The following OPHN1 variants were observed in gnomAD, a reference collection of about 807,000 sequenced individuals.
OPHN1 encodes the protein oligophrenin-1.
OPHN1 carries 11 observed loss-of-function variants against 60.7 expected under a neutral mutation model. The observed-to-expected ratio is 0.18, with a 90% CI of 0.11 to 0.30. The LOEUF (loss-of-function observed/expected upper bound fraction) is 0.30. OPHN1 is among the 10% of genes least tolerant of loss of function. OPHN1 has a pLI of 1.00. For synonymous variants in OPHN1, 226 were observed against 222.6 expected (o/e 1.02, Z -0.14); for missense variants, 449 against 611.0 (o/e 0.73, Z 2.80).
intron 5 of OPHN1, among the ~76,000 whole-genome samples, chrX:68,274,289 G>A (rs963529302): frequency 2.7e-5 from 3 of 112,249 alleles, no homozygotes; most frequent in African/African-American, 9.7e-5. Flanking sequence ...AGCACACAAA[G>A]TCCTTGTGAT....
intron 4 of OPHN1, among the ~76,000 whole-genome samples, chrX:68,278,388 G>A (rs969168510): frequency 2.7e-5 from 3 of 112,071 alleles, no homozygotes; most frequent in Non-Finnish European, 5.6e-5. Context: ...TGAGCTCACT[G>A]GGGACAAAAA....
At chrX:68,360,286 C>T (rs900621982) in intron 2 of OPHN1, among the ~76,000 whole-genome samples, 15 of 110,627 alleles carry the variant, frequency 1.4e-4, no homozygotes, top group Non-Finnish European at 2.8e-4. Flanking sequence ...TCAAGTGATC[C>T]TCCCACCTCA....
intron 15 of OPHN1, among the ~76,000 whole-genome samples, chrX:68,181,682 G>T (rs1462850887): frequency 9.0e-6 from 1 of 111,068 alleles, no homozygotes; most frequent in Non-Finnish European, 1.9e-5. Flanking sequence ...AAAAAAATTA[G>T]CCGGGCATGG....
intron 18 of OPHN1, among the ~76,000 whole-genome samples, chrX:68,105,283 T>C (rs1464888795): frequency 9.1e-6 from 1 of 110,420 alleles, no homozygotes; most frequent in African/African-American, 3.3e-5. Context: ...GAAATACCAT[T>C]TGACCTGGTA....
intron 2 of OPHN1, among the ~76,000 whole-genome samples, chrX:68,373,037 G>A (rs2078537571): frequency 8.9e-6 from 1 of 112,023 alleles, no homozygotes; most frequent in Non-Finnish European, 1.9e-5. Context: ...AGTAGCTGTG[G>A]TATCCAGCTT....
intron 5 of OPHN1, among the ~76,000 whole-genome samples, chrX:68,247,388 AG>A (rs961466548): frequency 8.9e-6 from 1 of 111,763 alleles, no homozygotes; most frequent in Non-Finnish European, 1.9e-5. Context: ...TCCATCACAT[AG>A]ATTTCTTATC....
At chrX:68,231,087 G>A (rs1161008082) in intron 6 of OPHN1, among the ~76,000 whole-genome samples, 1 of 111,209 alleles carries the variant, frequency 9.0e-6, no homozygotes, top group East Asian at 2.8e-4. Context: ...AAAAAAATGA[G>A]ATCCCGTCAT....
chrX:68,245,385 T>A (rs1396495979), intron 5 of OPHN1, among the ~76,000 whole-genome samples: 1 of 112,447 alleles, frequency 8.9e-6, no homozygotes, highest in African/African-American at 3.2e-5. Flanking sequence ...CATACTGTGC[T>A]TTTTGTTCAT....
At chrX:68,220,604 CTGGGATGCAA>C (rs1168382407) in intron 6 of OPHN1, among the ~76,000 whole-genome samples, 1 of 88,757 alleles carries the variant, frequency 1.1e-5, no homozygotes, top group Non-Finnish European at 2.2e-5. Flanking sequence ...GGCTTCATCC[CTGGGATGCAA>C]GGCTGGTTCA....
chrX:68,177,514 T>C (rs901856599), intron 15 of OPHN1, among the ~76,000 whole-genome samples: 2 of 102,777 alleles, frequency 1.9e-5, no homozygotes, highest in African/African-American at 7.5e-5. Flanking sequence ...TATAAAGAAA[T>C]ACCTGAGATT....
intron 2 of OPHN1, among the ~76,000 whole-genome samples, chrX:68,333,401 C>A (rs1169281605): frequency 2.7e-5 from 3 of 110,210 alleles, no homozygotes; most frequent in African/African-American, 9.9e-5. Context: ...CTTTGAGAGG[C>A]CGAGCAGGCA....
intron 21 of OPHN1, among the ~76,000 whole-genome samples, chrX:68,060,926 G>A (rs1303840239): frequency 8.9e-6 from 1 of 111,957 alleles, no homozygotes; most frequent in East Asian, 2.8e-4. Context: ...TTGCTTAACC[G>A]ATAACTCTTC....
In OPHN1 at chrX:68,411,399, G is replaced by A. The variant is rs78011199; in HGVS notation, c.154+21468C>T. ...GAAGTGGCTGAACCACTGTATAAGT[G>A]ATCCCTTTTCTCCACAACCTTGCCA... is the stretch of plus-strand genomic sequence containing the variant. On this transcript the variant is annotated intron_variant, in intron 2 of 24. Transcript: ENST00000355520. 8.7e-4 allele frequency among the ~76,000 whole-genome samples: 98 copies of A among 112,255 alleles called. 2 individuals are homozygous for A. In the East Asian group the frequency reaches 0.026, roughly 29 times the overall value.
chrX:68,347,601 AGC>A (rs1322570084), intron 2 of OPHN1, among the ~76,000 whole-genome samples: 1 of 111,792 alleles, frequency 8.9e-6, no homozygotes, highest in African/African-American at 3.3e-5. Flanking sequence ...TACAGGCATG[AGC>A]CACTGTGCCA....
At chrX:68,379,885 T>C (rs2064294480) in intron 2 of OPHN1, among the ~76,000 whole-genome samples, 2 of 109,114 alleles carry the variant, frequency 1.8e-5, no homozygotes, top group Non-Finnish European at 3.8e-5. Context: ...GGTCTAAAAT[T>C]CTCTTTTTTG....
At chrX:68,252,620 T>C (rs1306403808) in intron 5 of OPHN1, among the ~76,000 whole-genome samples, 1 of 112,279 alleles carries the variant, frequency 8.9e-6, no homozygotes, top group Non-Finnish European at 1.9e-5. Context: ...TAATACATAT[T>C]GAGTGTTTCA....
chrX:68,182,064 A>T (rs1229144677), intron 15 of OPHN1, among the ~76,000 whole-genome samples: 1 of 110,967 alleles, frequency 9.0e-6, no homozygotes, highest in Non-Finnish European at 1.9e-5. Flanking sequence ...CTCCCGGACG[A>T]CTGGTGGGTA....
At chrX:68,127,877 A>G (rs935818153) in intron 15 of OPHN1, among the ~76,000 whole-genome samples, 1 of 111,650 alleles carries the variant, frequency 9.0e-6, no homozygotes, top group Non-Finnish European at 1.9e-5. Flanking sequence ...ATACTTTTTA[A>G]AAAACTCTTC....
chrX:68,320,128 T>G (rs1242664399), intron 2 of OPHN1, among the ~76,000 whole-genome samples: 3 of 111,151 alleles, frequency 2.7e-5, no homozygotes, highest in African/African-American at 9.8e-5. Flanking sequence ...GATGGGTGGA[T>G]CACTTGAGGT....
Sources: gnomAD v4.1 joint callset for allele counts (sites outside exome capture counted in the v4.1 genomes callset) on GRCh38, gnomAD v4.1.1 for gene constraint, MANE v1.5 for transcripts, NCBI Gene and HGNC (gene_info 2026-07-23, HGNC 2026-07-21) for gene names.